HMCN1: variants seen among roughly 807,000 people sequenced by gnomAD.
The protein encoded by HMCN1 is hemicentin-1.
A neutral mutation model predicts 625.9 loss-of-function variants in HMCN1; 321 were observed. That is an observed-to-expected ratio of 0.51 (90% CI 0.47 to 0.56). The LOEUF (loss-of-function observed/expected upper bound fraction) is 0.56, where lower values mean the gene tolerates loss of function less well. HMCN1 is among the 20% of genes least tolerant of loss of function. The pLI is 0.00. For missense variants in HMCN1, 6,588 were observed against 6,887.3 expected (o/e 0.96, Z 1.54); for synonymous variants, 2,425 against 2,417.6 (o/e 1.00, Z -0.09).
chr1:185,961,214 C>A (rs1649996011), intron 11 of HMCN1, among the ~76,000 whole-genome samples: 1 of 152,172 alleles, frequency 6.6e-6, no homozygotes, highest in South Asian at 2.1e-4. Context: ...GCCCAGCATA[C>A]CATTTGTATC....
chr1:185,799,519 G>A (rs981463785), intron 1 of HMCN1, among the ~76,000 whole-genome samples: 2 of 152,074 alleles, frequency 1.3e-5, no homozygotes, highest in South Asian at 2.1e-4. Context: ...GGGAGTGGGG[G>A]CAAAAGTGCA....
chr1:186,016,233 G>A lies in HMCN1; in HGVS notation c.5185G>A (p.Val1729Ile). ...GEKEIKYEVD[V>I]LVPPAIEGGD... ...AAAGGAAATCAAATATGAAGTTGAT[G>A]TCTTGGGTAAATAAGGATGCCACTG... Residue 1729 changes from valine (V) to isoleucine (I), a missense_variant, in exon 32 of 107, where the codon GTC becomes ATC. Around this residue, in one of 3 missense-constraint regions of HMCN1, gnomAD observed 4,628 missense variants for 4,853.1 expected, o/e 0.95. Coordinates refer to ENST00000271588, the MANE Select transcript of HMCN1 (RefSeq NM_031935.3). 6.2e-7 allele frequency: 1 copy of A among 1,612,352 alleles called. No homozygotes were observed. Among genetic ancestry groups the A allele is most frequent in the South Asian group, 1.1e-5 (1 of 91,006 alleles).
intron 2 of HMCN1, 54 bp from the exon 3 acceptor site, chr1:185,864,416 A>C: frequency 1.3e-6 from 2 of 1,580,130 alleles, no homozygotes; most frequent in East Asian, 4.5e-5. Context: ...TATAACCAAA[A>C]TATTCAATTG....
At chr1:185,972,398 G>GAAACAACC (rs1650894723) in intron 15 of HMCN1, among the ~76,000 whole-genome samples, 2 of 152,136 alleles carry the variant, frequency 1.3e-5, no homozygotes, top group Non-Finnish European at 2.9e-5. Context: ...CTGTGTTGGG[G>GAAACAACC]TGACTTACAT....
At chr1:185,736,824 A>G (rs1041066172) in intron 1 of HMCN1, among the ~76,000 whole-genome samples, 4 of 152,212 alleles carry the variant, frequency 2.6e-5, no homozygotes, top group African/African-American at 7.2e-5. Flanking sequence ...AGATGACTGA[A>G]TAAGTTAGAG....
chr1:185,911,896 A>G (rs1666445173), intron 6 of HMCN1, 116 bp downstream of exon 6: 1 of 787,276 alleles, frequency 1.3e-6, no homozygotes, highest in Non-Finnish European at 2.2e-6. Flanking sequence ...GAGTGCTTGT[A>G]ATAAAAAGCA....
chr1:186,025,938 A>G (rs961677396), intron 36 of HMCN1, among the ~76,000 whole-genome samples: 2 of 152,244 alleles, frequency 1.3e-5, no homozygotes, highest in Admixed American at 1.3e-4. Flanking sequence ...TGACTTGTGT[A>G]CATAACAGTT....
chr1:185,911,357 A>C (rs922293422), intron 5 of HMCN1, among the ~76,000 whole-genome samples: 3 of 152,184 alleles, frequency 2.0e-5, no homozygotes, highest in Non-Finnish European at 4.4e-5. Flanking sequence ...ACAAATAGTA[A>C]TCCATTATTT....
Position 185,909,874 on chromosome 1 carries a change from C to A in HMCN1, c.793+366C>A, listed in dbSNP as rs1354007849. The stretch of plus-strand genomic sequence containing the variant: ...TACATTATTTTTAAATGGCTCACAC[C>A]AAGTAACTCTTAAAATAACTAATTT... On this transcript the variant is annotated intron_variant, in intron 5 of 106. Transcript: ENST00000271588. Among the ~76,000 whole-genome samples, 5 of 152,002 alleles carry A rather than the reference C, an allele frequency of 3.3e-5. No homozygotes were observed. In the East Asian group the frequency reaches 9.6e-4, roughly 29 times the overall value.
intron 4 of HMCN1, among the ~76,000 whole-genome samples, chr1:185,894,090 G>A (rs991655570): frequency 2.8e-4 from 42 of 151,804 alleles, no homozygotes; most frequent in African/African-American, 9.4e-4. Flanking sequence ...AGCCAAGATC[G>A]CAACACTGCA....
intron 1 of HMCN1, among the ~76,000 whole-genome samples, chr1:185,814,307 T>C (rs986317543): frequency 2.0e-5 from 3 of 152,032 alleles, no homozygotes; most frequent in East Asian, 1.9e-4. Context: ...CATTTTTTTC[T>C]GGAACATCTG....
intron 68 of HMCN1, among the ~76,000 whole-genome samples, chr1:186,103,026 G>T (rs548559091): frequency 1.7e-4 from 26 of 152,174 alleles, no homozygotes; most frequent in Admixed American, 1.6e-3. Flanking sequence ...TCCTCTCAAA[G>T]TTCTGCATGG....
intron 105 of HMCN1, 137 bp from the exon 106 acceptor site, chr1:186,187,746 G>A: frequency 8.8e-7 from 1 of 1,138,190 alleles, no homozygotes; most frequent in South Asian, 1.3e-5. Flanking sequence ...GGTTAAAGAA[G>A]GTTAGGTATG....
chr1:185,957,532 T>C (rs1167553107), intron 11 of HMCN1, among the ~76,000 whole-genome samples: 1 of 152,202 alleles, frequency 6.6e-6, no homozygotes, highest in Non-Finnish European at 1.5e-5. Flanking sequence ...ATTCCACTAG[T>C]TGTTCCCTTA....
At chr1:185,864,771 A>G (rs1208352501) in intron 3 of HMCN1, 143 bp downstream of exon 3, 1 of 770,992 alleles carries the variant, frequency 1.3e-6, no homozygotes, top group Non-Finnish European at 2.2e-6. Flanking sequence ...TGTATATGTC[A>G]TCTGATTTAA....
chr1:185,768,295 T>G (rs879310686), intron 1 of HMCN1, among the ~76,000 whole-genome samples: 2 of 152,160 alleles, frequency 1.3e-5, no homozygotes, highest in Non-Finnish European at 2.9e-5. Flanking sequence ...GCATTTTATC[T>G]TTTTCCTCCT....
At chr1:186,108,035 TAAAAAAAA>T (rs559777006) in intron 70 of HMCN1, among the ~76,000 whole-genome samples, 1 of 98,310 alleles carries the variant, frequency 1.0e-5, no homozygotes, top group African/African-American at 4.0e-5. Flanking sequence ...GTAAATTCTG[TAAAAAAAA>T]AAAAAAAAAA....
chr1:186,177,451 A>AAAG (rs1201935687), intron 103 of HMCN1: 1 of 152,396 alleles, frequency 6.6e-6, no homozygotes, highest in Non-Finnish European at 1.5e-5. Flanking sequence ...CTGTTGGAGC[A>AAAG]AAGGTAGGCA....
intron 36 of HMCN1, among the ~76,000 whole-genome samples, chr1:186,024,559 C>T (rs192027612): frequency 5.7e-4 from 86 of 152,196 alleles, no homozygotes; most frequent in Admixed American, 1.2e-3. Flanking sequence ...TCATCTTAGG[C>T]GCTTAGGAGT....
Sources: gnomAD v4.1 joint callset for allele counts (sites outside exome capture counted in the v4.1 genomes callset) on GRCh38, gnomAD v4.1.1 for gene constraint, gnomAD v4.1.1 regional missense constraint, MANE v1.5 for transcripts, NCBI Gene and HGNC (gene_info 2026-07-23, HGNC 2026-07-21) for gene names.